Variants in TRRAP observed in about 807,000 individuals in gnomAD.
The protein encoded by TRRAP is transformation/transcription domain associated protein.
In TRRAP, 41 loss-of-function variants were observed where a neutral mutation model predicts 438.8. That is an observed-to-expected ratio of 0.09 (90% CI 0.07 to 0.12). TRRAP has a LOEUF of 0.12. TRRAP is among the 10% of genes least tolerant of loss of function. The probability of loss-of-function intolerance (pLI) is 1.00; values close to 1 mark genes in which losing one functional copy is unlikely to be tolerated. For missense variants in TRRAP, 3,122 were observed against 5,055.1 expected, an observed-to-expected ratio of 0.62 and a Z score of 11.60; for synonymous variants, 1,994 against 1,962.9, an observed-to-expected ratio of 1.02 and a Z score of -0.42.
At position 98,953,250 on chromosome 7, in the gene TRRAP, C is replaced by T. The variant is rs376197427; in HGVS notation, c.5547C>T (p.His1849=). Residue 1849 remains histidine (H), a synonymous_variant, in exon 40 of 73, where the codon CAC becomes CAT. Transcript: ENST00000456197. Reference sequence around the variant, plus strand: ...AGTACGCCACGCTGCTGGTGGAGCACGCCCCCCACCACATCCATGACAACA... The same window carrying T: ...AGTACGCCACGCTGCTGGTGGAGCATGCCCCCCACCACATCCATGACAACA... ...LLQYATLLVE[H]APHHIHDNNK... 22 of 1,613,550 alleles carry T rather than the reference C, an allele frequency of 1.4e-5. No homozygotes were observed. The highest frequency in any genetic ancestry group is 8.0e-5 in the African/African-American group (6 of 74,824).
intron 12 of TRRAP, among the ~76,000 whole-genome samples, chr7:98,905,701 G>A (rs1270852270): frequency 6.6e-6 from 1 of 152,210 alleles, no homozygotes; most frequent in East Asian, 1.9e-4. Flanking sequence ...TGGGACTCAT[G>A]CCTGTGAGAA....
At chr7:98,881,855 C>T in intron 2 of TRRAP, 120 bp from the exon 3 acceptor site, 1 of 1,078,744 alleles carries the variant, frequency 9.3e-7, no homozygotes, top group Non-Finnish European at 1.3e-6. Context: ...TCTATTAGGC[C>T]ATGACAGTCA....
rs747656231 is a variant in TRRAP, at chr7:98,961,355, G to A, written c.6584G>A (p.Ser2195Asn). The change falls in exon 46 of 73, where the codon AGT (serine) becomes AAT (asparagine). Residue 2195 changes from serine to asparagine, a missense_variant. By Grantham distance (46) the Ser-to-Asn change is conservative. This residue lies in a region of TRRAP where 992 missense variants were observed against 1,281.2 expected (regional missense o/e 0.77). Coordinates refer to ENST00000456197, the MANE Select transcript of TRRAP (RefSeq NM_001375524.1). ...GTCCTCCAGTCCCCAGCCATCCTCA[G>A]TAGCTTCAAACCTCTGCAGCGTGGA... is the stretch of plus-strand genomic sequence containing the variant. The part of the protein sequence containing the change: ...LTVLQSPAIL[S>N]SFKPLQRGIA... The A allele has an allele frequency of 6.2e-7, 1 of 1,614,194 alleles. No individual in the cohort carries two copies. Among genetic ancestry groups the A allele is most frequent in the East Asian group, 2.2e-5 (1 of 44,888 alleles).
Position 98,961,331 on chromosome 7 carries a change from T to A in TRRAP, c.6560T>A (p.Val2187Asp), listed in dbSNP as rs752125949. Residue 2187 changes from valine (V) to aspartate (D), a missense_variant, in exon 46 of 73, where the codon GTC becomes GAC. Transcript: ENST00000456197. ...GLEVLSFLLT[V>D]LQSPAILSSF... ...GAAGTGCTGAGCTTCCTGCTAACTG[T>A]CCTCCAGTCCCCAGCCATCCTCAGT... 1 of 1,614,190 alleles carries A rather than the reference T, an allele frequency of 6.2e-7. No individual in the cohort carries two copies. Among genetic ancestry groups the A allele is most frequent in the Admixed American group, 1.7e-5 (1 of 60,024 alleles).
rs782591394 is a variant in TRRAP, at chr7:98,950,939, C to A, written c.5398C>A (p.Leu1800Ile). The A allele has an allele frequency of 9.3e-6, 15 of 1,610,366 alleles. No individual in the cohort carries two copies. The East Asian group carries it at 3.4e-4, about 36-fold the overall frequency. The change falls in exon 39 of 73, where the codon CTC becomes ATC. Residue 1800 changes from leucine (L) to isoleucine (I), a missense_variant. Leu to Ile is a conservative substitution (Grantham distance 5). Coordinates refer to ENST00000456197, the MANE Select transcript of TRRAP (RefSeq NM_001375524.1). Reference sequence around the variant, plus strand: ...CTTTGAGAAGGGGGAAGGAGAGCAGCTCTTGGGACCTCCCAATCCAGAAGG... The same window carrying A: ...CTTTGAGAAGGGGGAAGGAGAGCAGATCTTGGGACCTCCCAATCCAGAAGG... ...YSFEKGEGEQ[L>I]LGPPNPEGDN...
At chr7:98,925,017 AG>A in intron 21 of TRRAP, 94 bp from the exon 22 acceptor site, 1 of 1,460,972 alleles carries the variant, frequency 6.8e-7, no homozygotes, top group South Asian at 1.4e-5. Context: ...AAAAAAAAAA[AG>A]ATTCTTCTGG....
chr7:98,987,974 A>G (rs757762536), intron 62 of TRRAP, among the ~76,000 whole-genome samples: 2 of 151,984 alleles, frequency 1.3e-5, no homozygotes, highest in Non-Finnish European at 2.9e-5. Context: ...GGTATATCAC[A>G]TTGATTGGTT....
chr7:98,911,064 T>TC lies in TRRAP; in HGVS notation c.1813-9dup. The TC allele has an allele frequency of 6.2e-7, 1 of 1,608,594 alleles. No individual in the cohort carries two copies. Among genetic ancestry groups the TC allele is most frequent in the Non-Finnish European group, 8.5e-7 (1 of 1,177,762 alleles). ...TTTTAATGCCTGTGGGCGGCTTTTTTCCCCTGTATTAGGTCCAGATAGCAG... is the reference window on the plus strand; with the variant it reads ...TTTTAATGCCTGTGGGCGGCTTTTTTCCCCCTGTATTAGGTCCAGATAGCAG... On this transcript the variant is annotated splice_polypyrimidine_tract_variant and intron_variant, in intron 16 of 72. Coordinates refer to ENST00000456197, the MANE Select transcript of TRRAP (RefSeq NM_001375524.1).
intron 56 of TRRAP, among the ~76,000 whole-genome samples, chr7:98,977,782 G>A (rs1027403306): frequency 1.3e-5 from 2 of 152,198 alleles, no homozygotes; most frequent in African/African-American, 2.4e-5. Flanking sequence ...GTGGCCTTGC[G>A]GCTCCTGCTC....
Position 99,013,005 on chromosome 7 carries a change from G to T in TRRAP, c.*650G>T, listed in dbSNP as rs1317930791. The T allele has an allele frequency of 6.6e-6, 1 of 152,208 alleles. No individual in the cohort carries two copies. The highest frequency in any genetic ancestry group is 1.9e-4 in the East Asian group (1 of 5,200). 9.4% of individuals were successfully genotyped at this position (152,208 alleles called of 1,614,324 possible). A position where few individuals can be genotyped will look rare whatever the true frequency, so the allele number is the denominator to read the frequency against. Reference sequence around the variant, plus strand: ...GACAGAACTCTGAGAGTCTGCAGGCGGCTCCTGTGCTTTTTATTTCTGGCT... The same window carrying T: ...GACAGAACTCTGAGAGTCTGCAGGCTGCTCCTGTGCTTTTTATTTCTGGCT... On this transcript the variant is annotated 3_prime_UTR_variant, in exon 73 of 73. Coordinates refer to ENST00000456197, the MANE Select transcript of TRRAP (RefSeq NM_001375524.1).
chr7:98,920,472 A>G (rs537688827), intron 20 of TRRAP, among the ~76,000 whole-genome samples: 1 of 147,696 alleles, frequency 6.8e-6, no homozygotes, highest in South Asian at 2.1e-4. Context: ...TCCGTCTCCA[A>G]AAAAAAAAAA....
At chr7:98,986,864 T>G (rs889673576) in intron 62 of TRRAP, among the ~76,000 whole-genome samples, 1 of 152,256 alleles carries the variant, frequency 6.6e-6, no homozygotes, top group Non-Finnish European at 1.5e-5. Flanking sequence ...CCATTTTGAA[T>G]AATTTTTTAT....
Position 98,948,369 on chromosome 7 carries a change from G to T in TRRAP, c.4668+29G>T, listed in dbSNP as rs146264957. 4 of 1,613,774 alleles carry T rather than the reference G, an allele frequency of 2.5e-6. No homozygotes were observed. The highest frequency in any genetic ancestry group is 3.4e-6 in the Non-Finnish European group (4 of 1,179,918). On this transcript the variant is annotated intron_variant, in intron 34 of 72. Transcript: ENST00000456197. The surrounding 1 kb of genome is among the most constrained non-coding windows in gnomAD (Gnocchi z 4.9). ...AGGGCCATACTGAAGGCTGCTTCTC[G>T]CTCTGCCACCCTCCGGTGCTTATAG...
Position 99,005,403 on chromosome 7 carries a change from TGAGAG to T in TRRAP, c.10753+56_10753+60del. On this transcript the variant is annotated intron_variant, in intron 69 of 72. Coordinates refer to ENST00000456197, the MANE Select transcript of TRRAP (RefSeq NM_001375524.1). This position sits in a 1 kb window ranked among gnomAD's most constrained non-coding sequence, Gnocchi z 5.1. ...ACACAGGCAGCTTCACAGGTGGGGA[TGAGAG>T]CCACACCTCGTGGGGTGCACAGGCA... 4 of 1,560,472 alleles carry T rather than the reference TGAGAG, an allele frequency of 2.6e-6. No individual in the cohort carries two copies. The highest frequency in any genetic ancestry group is 3.5e-6 in the Non-Finnish European group (4 of 1,133,032).
chr7:98,883,245 G>C (rs1554403442), intron 3 of TRRAP, among the ~76,000 whole-genome samples: 1 of 151,690 alleles, frequency 6.6e-6, no homozygotes, highest in African/African-American at 2.4e-5. Flanking sequence ...CAACTTGCTG[G>C]GTTTTTCTTA....
intron 18 of TRRAP, among the ~76,000 whole-genome samples, chr7:98,913,953 T>G (rs782484627): frequency 6.6e-5 from 10 of 152,216 alleles, no homozygotes; most frequent in Non-Finnish European, 1.3e-4. Flanking sequence ...TGGGAAAATC[T>G]GAAGATGTAA....
At chr7:98,993,837 C>T in intron 66 of TRRAP, 100 bp downstream of exon 66, 1 of 1,208,368 alleles carries the variant, frequency 8.3e-7, no homozygotes, top group East Asian at 2.4e-5. Flanking sequence ...AGTTGCCGGT[C>T]CTTTTATATA....
chr7:98,891,205 T>TATA (rs35255192), intron 4 of TRRAP, among the ~76,000 whole-genome samples: 34,392 of 71,130 alleles, frequency 0.48, 8,186 homozygotes, highest in South Asian at 0.68. Flanking sequence ...ATATATATAT[T>TATA]TTTTTTTTTT....
At chr7:98,951,057 A>G (rs541103194) in intron 39 of TRRAP, 53 bp downstream of exon 39, 219 of 662,228 alleles carry the variant, frequency 3.3e-4, no homozygotes, top group Non-Finnish European at 4.8e-4. Context: ...GTGGATGAAC[A>G]TCTGTGTGTG....
Sources: gnomAD v4.1 joint callset for allele counts (sites outside exome capture counted in the v4.1 genomes callset) on GRCh38, gnomAD v4.1.1 for gene constraint, gnomAD v4.1.1 regional missense constraint, Gnocchi (gnomAD v3.1) non-coding constraint, MANE v1.5 for transcripts, NCBI Gene and HGNC (gene_info 2026-07-23, HGNC 2026-07-21) for gene names.